NYAP2: variants seen among roughly 807,000 people sequenced by gnomAD.
NYAP2 encodes neuronal tyrosine-phosphorylated phosphoinositide-3-kinase adapter 2.
In NYAP2, 23 loss-of-function variants were observed where a neutral mutation model predicts 50.4. The observed-to-expected ratio is 0.46, with a 90% CI of 0.33 to 0.65. The LOEUF (loss-of-function observed/expected upper bound fraction) is 0.65. Among genes scored for constraint, NYAP2 ranks in the 30% least tolerant of loss-of-function variants. The probability of loss-of-function intolerance (pLI) is 0.02; values close to 1 mark genes in which losing one functional copy is unlikely to be tolerated. For missense variants in NYAP2, 885 were observed against 861.0 expected, an observed-to-expected ratio of 1.03 and a Z score of -0.35; for synonymous variants, 394 against 365.2, an observed-to-expected ratio of 1.08 and a Z score of -0.90.
chr2:225,642,428 TGAACTAG>T (rs1346673488), intron 6 of NYAP2, among the ~76,000 whole-genome samples: 4 of 152,202 alleles, frequency 2.6e-5, no homozygotes, highest in African/African-American at 7.2e-5. Context: ...AGAAATCCTG[TGAACTAG>T]GTACCATTAT....
the NYAP2 span, among the ~76,000 whole-genome samples, chr2:225,673,287 T>G: frequency 1.3e-5 from 2 of 151,990 alleles, no homozygotes; most frequent in East Asian, 3.9e-4. Flanking sequence ...AGATGAGATT[T>G]GGTTTGGAGA....
chr2:225,464,076 G>A (rs1366163080), intron 3 of NYAP2, among the ~76,000 whole-genome samples: 1 of 152,162 alleles, frequency 6.6e-6, no homozygotes, highest in Non-Finnish European at 1.5e-5. Flanking sequence ...GAGATGCTCT[G>A]CCAAAAGTTC....
chr2:225,513,772 A>C, intron 4 of NYAP2, 100 bp downstream of exon 4: 1 of 860,242 alleles, frequency 1.2e-6, no homozygotes, highest in Non-Finnish European at 1.6e-6. Flanking sequence ...GGGCCACATA[A>C]TCCTGCCTCT....
the NYAP2 span, among the ~76,000 whole-genome samples, chr2:225,696,370 T>C: frequency 6.6e-6 from 1 of 151,944 alleles, no homozygotes; most frequent in Admixed American, 6.6e-5. Flanking sequence ...TAGGTATTCA[T>C]CAGTGTTAGA....
the NYAP2 span, among the ~76,000 whole-genome samples, chr2:225,691,229 A>G: frequency 6.6e-6 from 1 of 152,016 alleles, no homozygotes; most frequent in African/African-American, 2.4e-5. Context: ...GGCAGGTTAT[A>G]AATATTTCCA....
intron 5 of NYAP2, among the ~76,000 whole-genome samples, chr2:225,616,725 A>G (rs1428335213): frequency 5.9e-5 from 9 of 152,064 alleles, no homozygotes. Flanking sequence ...ATCCTCCGAG[A>G]GGCAGGACAA....
At chr2:225,557,090 C>A (rs1691791407) in intron 4 of NYAP2, among the ~76,000 whole-genome samples, 1 of 152,160 alleles carries the variant, frequency 6.6e-6, no homozygotes, top group Non-Finnish European at 1.5e-5. Context: ...AACAGATTAG[C>A]TCTGCTCTAA....
intron 2 of NYAP2, among the ~76,000 whole-genome samples, chr2:225,401,383 T>C (rs893093580): frequency 3.9e-5 from 6 of 152,076 alleles, no homozygotes; most frequent in African/African-American, 9.7e-5. Context: ...TGCTAGCTAT[T>C]TATCCGCTAT....
At chr2:225,520,453 G>T (rs1004241126) in intron 4 of NYAP2, among the ~76,000 whole-genome samples, 3 of 152,064 alleles carry the variant, frequency 2.0e-5, no homozygotes, top group African/African-American at 7.3e-5. Context: ...TTTTGTATAA[G>T]GTGTAAGGAA....
chr2:225,578,314 G>A (rs1324950376), intron 4 of NYAP2, among the ~76,000 whole-genome samples: 1 of 151,998 alleles, frequency 6.6e-6, no homozygotes, highest in Non-Finnish European at 1.5e-5. Context: ...GAATCTGCCT[G>A]CATTAGGCTC....
At chr2:225,433,348 C>T (rs980286658) in intron 3 of NYAP2, among the ~76,000 whole-genome samples, 2 of 96,124 alleles carry the variant, frequency 2.1e-5, no homozygotes, top group Non-Finnish European at 4.7e-5. Flanking sequence ...GTAGTGAGAC[C>T]CTATCTGTTT....
chr2:225,664,406 A>C, the NYAP2 span, among the ~76,000 whole-genome samples: 1 of 152,170 alleles, frequency 6.6e-6, no homozygotes. Context: ...AATAATTGCT[A>C]ACAGTGGAAA....
At chr2:225,539,578 G>T (rs1432368063) in intron 4 of NYAP2, among the ~76,000 whole-genome samples, 1 of 152,052 alleles carries the variant, frequency 6.6e-6, no homozygotes, top group Non-Finnish European at 1.5e-5. Context: ...GTTTTGATTT[G>T]CATTTTTCTA....
At chr2:225,554,205 TTG>T (rs1218394496) in intron 4 of NYAP2, among the ~76,000 whole-genome samples, 1 of 150,774 alleles carries the variant, frequency 6.6e-6, no homozygotes, top group Non-Finnish European at 1.5e-5. Context: ...GTTATTGTTG[TTG>T]TTTTTTTTTT....
intron 6 of NYAP2, among the ~76,000 whole-genome samples, chr2:225,644,017 A>C (rs1693582056): frequency 6.8e-6 from 1 of 147,418 alleles, no homozygotes; most frequent in African/African-American, 2.5e-5. Flanking sequence ...AGGAATTGCC[A>C]CACTGACTTC....
intron 3 of NYAP2, among the ~76,000 whole-genome samples, chr2:225,480,729 T>G (rs1690191965): frequency 6.6e-6 from 1 of 152,134 alleles, no homozygotes; most frequent in Non-Finnish European, 1.5e-5. Context: ...ATATAGGAGC[T>G]GTGTTTGAGA....
intron 3 of NYAP2, among the ~76,000 whole-genome samples, chr2:225,442,921 C>T (rs564577204): frequency 3.2e-4 from 48 of 152,130 alleles, no homozygotes; most frequent in African/African-American, 1.0e-3. Flanking sequence ...TGGCTGGAGA[C>T]GCCTCACAAT....
chr2:225,564,484 T>A (rs1691928433), intron 4 of NYAP2, among the ~76,000 whole-genome samples: 1 of 151,904 alleles, frequency 6.6e-6, no homozygotes, highest in South Asian at 2.1e-4. Context: ...CGAAACCATT[T>A]TCCTCATCTG....
At chr2:225,674,784 A>C in the NYAP2 span, among the ~76,000 whole-genome samples, 8 of 152,144 alleles carry the variant, frequency 5.3e-5, no homozygotes, top group Non-Finnish European at 1.0e-4. Flanking sequence ...ACAGGAGGTT[A>C]AATTTGGTCA....
Sources: allele counts gnomAD v4.1 joint callset (sites outside exome capture counted in the v4.1 genomes callset), GRCh38; gene constraint gnomAD v4.1.1; transcripts MANE v1.5; gene names NCBI Gene and HGNC (gene_info 2026-07-23, HGNC 2026-07-21).